Variants in DAAM2 observed in about 807,000 individuals in gnomAD.
DAAM2 encodes the protein disheveled-associated activator of morphogenesis 2.
Under a neutral mutation model 120.7 loss-of-function variants are expected in DAAM2, and 39 were observed. The ratio of observed to expected loss-of-function variants is 0.32; its 90% confidence interval spans 0.25 to 0.42. The LOEUF is 0.42. Among genes scored for constraint, DAAM2 ranks in the 10% least tolerant of loss-of-function variants. The pLI is 1.00. For missense variants in DAAM2, 1,283 were observed against 1,401.7 expected (o/e 0.92, Z 1.35); for synonymous variants, 488 against 524.9 (o/e 0.93, Z 0.96).
At chr6:39,888,947 G>A in intron 17 of DAAM2, 184 bp downstream of exon 17, 1 of 407,432 alleles carries the variant, frequency 2.5e-6, no homozygotes, top group Non-Finnish European at 4.4e-6. Context: ...AAGGCTAAGT[G>A]TTCTCCAGGA....
chr6:39,792,834 A>G (rs1198426138), intron 1 of DAAM2, among the ~76,000 whole-genome samples: 1 of 152,254 alleles, frequency 6.6e-6, no homozygotes, highest in Non-Finnish European at 1.5e-5. Flanking sequence ...GATACCCCGC[A>G]AAACTGACAA....
At chr6:39,899,958 G>A in intron 22 of DAAM2, 119 bp from the exon 23 acceptor site, 3 of 1,081,332 alleles carry the variant, frequency 2.8e-6, no homozygotes, top group Non-Finnish European at 2.5e-6. Flanking sequence ...TGAGATGCAG[G>A]GTGTTCCCTC....
At chr6:39,887,949 G>A (rs1009986207) in intron 16 of DAAM2, 4 of 223,854 alleles carry the variant, frequency 1.8e-5, no homozygotes, top group Non-Finnish European at 3.6e-5. Flanking sequence ...CACAGCTTCT[G>A]TACGGGGGGG....
chr6:39,901,828 G>C lies in DAAM2; in HGVS notation c.2998G>C (p.Glu1000Gln). 6.4e-7 allele frequency: 1 copy of C among 1,553,220 alleles called. No homozygotes were observed. The highest frequency in any genetic ancestry group is 8.7e-7 in the Non-Finnish European group (1 of 1,146,826). The change falls in exon 25 of 25, where the codon GAA becomes CAA. Residue 1000 changes from glutamate to glutamine, a missense_variant. By Grantham distance (29) the Glu-to-Gln change is conservative. Transcript: ENST00000274867. This position sits in a 1 kb window ranked among gnomAD's most constrained non-coding sequence, Gnocchi z 4.5. ...RMEAMLKEQRERERWQRQRKV... is the reference protein window; with the variant it reads ...RMEAMLKEQRQRERWQRQRKV... ...CCGCCCGCAGCTGAAGGAGCAGAGGGAACGTGAGCGGTGGCAGCGGCAGCG... is the reference window on the plus strand; with the variant it reads ...CCGCCCGCAGCTGAAGGAGCAGAGGCAACGTGAGCGGTGGCAGCGGCAGCG...
intron 1 of DAAM2, among the ~76,000 whole-genome samples, chr6:39,851,267 T>C (rs1327342549): frequency 6.6e-6 from 1 of 152,154 alleles, no homozygotes; most frequent in Non-Finnish European, 1.5e-5. Flanking sequence ...TGCTTTAGAG[T>C]CAGACAGTCC....
chr6:39,865,969 T>C (rs1764413297), intron 5 of DAAM2, among the ~76,000 whole-genome samples: 1 of 152,208 alleles, frequency 6.6e-6, no homozygotes, highest in Admixed American at 6.5e-5. Context: ...TAGCTTGAAA[T>C]TGGCTATGCT....
chr6:39,876,889 G>A (rs1020207041), intron 11 of DAAM2, among the ~76,000 whole-genome samples: 4 of 152,198 alleles, frequency 2.6e-5, no homozygotes, highest in African/African-American at 9.7e-5. Context: ...GAAGGAAAGA[G>A]GGAAAAGGTC....
At chr6:39,896,224 A>G (rs903426965) in intron 19 of DAAM2, among the ~76,000 whole-genome samples, 1 of 90,820 alleles carries the variant, frequency 1.1e-5, no homozygotes, top group African/African-American at 3.9e-5. Flanking sequence ...TCTTTTTGAT[A>G]CAGAGTCTCA....
intron 1 of DAAM2, among the ~76,000 whole-genome samples, chr6:39,849,213 G>A (rs1170933156): frequency 6.6e-6 from 1 of 152,204 alleles, no homozygotes; most frequent in African/African-American, 2.4e-5. Context: ...TTGCATGGTA[G>A]TAGCCGTAGA....
At chr6:39,874,297 C>T (rs1017257586) in intron 10 of DAAM2, among the ~76,000 whole-genome samples, 7 of 152,192 alleles carry the variant, frequency 4.6e-5, no homozygotes, top group African/African-American at 1.4e-4. Context: ...CCTGGCTTTA[C>T]ACGATTTTGC....
chr6:39,844,389 C>T (rs1325860288), intron 1 of DAAM2, among the ~76,000 whole-genome samples: 1 of 151,906 alleles, frequency 6.6e-6, no homozygotes, highest in East Asian at 1.9e-4. Flanking sequence ...CACACACACA[C>T]ACACCCCACC....
chr6:39,883,213 A>G (rs1765215110), intron 14 of DAAM2, among the ~76,000 whole-genome samples: 1 of 148,868 alleles, frequency 6.7e-6, no homozygotes, highest in South Asian at 2.1e-4. Flanking sequence ...CTTGACTAAC[A>G]GCCAGGATCC....
intron 16 of DAAM2, chr6:39,887,830 C>G: frequency 2.1e-6 from 1 of 484,580 alleles, no homozygotes; most frequent in Non-Finnish European, 3.8e-6. Context: ...CTGAGTTGCT[C>G]TAAGCCCACG....
chr6:39,808,043 C>G, intron 1 of DAAM2, among the ~76,000 whole-genome samples: 1 of 150,222 alleles, frequency 6.7e-6, no homozygotes, highest in East Asian at 1.9e-4. Context: ...ACATCTATAT[C>G]TCATGTGCAC....
At chr6:39,896,681 T>C in intron 19 of DAAM2, 131 bp from the exon 20 acceptor site, 1 of 697,180 alleles carries the variant, frequency 1.4e-6, no homozygotes. Context: ...GTATAATCTC[T>C]GCCTCACTGA....
At chr6:39,838,925 C>T (rs1763212468) in intron 1 of DAAM2, among the ~76,000 whole-genome samples, 1 of 152,032 alleles carries the variant, frequency 6.6e-6, no homozygotes, top group African/African-American at 2.4e-5. Context: ...TCCCAAAGTG[C>T]TGGGATTACA....
At chr6:39,811,649 C>T (rs573331191) in intron 1 of DAAM2, among the ~76,000 whole-genome samples, 47 of 152,242 alleles carry the variant, frequency 3.1e-4, no homozygotes, top group South Asian at 1.0e-3. Context: ...TTCTTTCTCC[C>T]TTGTTTTGCT....
intron 19 of DAAM2, among the ~76,000 whole-genome samples, chr6:39,894,827 T>C (rs1240412797): frequency 6.6e-6 from 1 of 152,024 alleles, no homozygotes; most frequent in Non-Finnish European, 1.5e-5. Flanking sequence ...CCATGTTGCC[T>C]AGGCTGGTCT....
rs1562076875 is a variant in DAAM2 at position 39,904,843 on chromosome 6, A to G, written c.*2806A>G. 6.6e-6 allele frequency: 3 copies of G among 454,146 alleles called. No homozygotes were observed. The highest frequency in any genetic ancestry group is 4.7e-5 in the South Asian group (3 of 64,462). The allele number at this position is 454,146 out of a possible 1,614,324, so 28.1% of individuals were successfully genotyped here. A position where few individuals can be genotyped will look rare whatever the true frequency, so the allele number is the denominator to read the frequency against. ...TAAGAATATATTGTAATACTAAAAAATATTAAATTCATACCATCCCTACCC... is the reference window on the plus strand; with the variant it reads ...TAAGAATATATTGTAATACTAAAAAGTATTAAATTCATACCATCCCTACCC... On this transcript the variant is annotated 3_prime_UTR_variant, in exon 25 of 25. Transcript: ENST00000274867.
Sources: gnomAD v4.1 joint callset for allele counts (sites outside exome capture counted in the v4.1 genomes callset) on GRCh38, gnomAD v4.1.1 for gene constraint, Gnocchi (gnomAD v3.1) non-coding constraint, MANE v1.5 for transcripts, NCBI Gene and HGNC (gene_info 2026-07-23, HGNC 2026-07-21) for gene names.